STRBP: variants seen among roughly 807,000 people sequenced by gnomAD.
The protein encoded by STRBP is spermatid perinuclear RNA binding protein.
A neutral mutation model predicts 80.1 loss-of-function variants in STRBP; 13 were observed. That is an observed-to-expected ratio of 0.16 (90% CI 0.11 to 0.26). The LOEUF (loss-of-function observed/expected upper bound fraction) is 0.26, where lower values mean the gene tolerates loss of function less well. Among genes scored for constraint, STRBP ranks in the 10% least tolerant of loss-of-function variants. STRBP has a pLI of 1.00. For missense variants in STRBP, 485 were observed against 815.2 expected (o/e 0.59, Z 4.93); for synonymous variants, 284 against 291.2 (o/e 0.98, Z 0.25).
chr9:123,134,300 G>A (rs151062803), intron 16 of STRBP, among the ~76,000 whole-genome samples: 1 of 152,310 alleles, frequency 6.6e-6, no homozygotes, highest in African/African-American at 2.4e-5. Flanking sequence ...TGTCTAAGAA[G>A]CTGAAAGAGT....
chr9:123,132,048 G>A (rs1409476644), intron 17 of STRBP, among the ~76,000 whole-genome samples: 1 of 152,128 alleles, frequency 6.6e-6, no homozygotes, highest in Non-Finnish European at 1.5e-5. Context: ...CAAGACAGCT[G>A]GATAATCTAC....
rs1332643492 is a variant in STRBP at position 123,115,997 on chromosome 9, T to C, written c.*16A>G. The C allele has an allele frequency of 2.2e-6, 1 of 456,310 alleles. No individual in the cohort carries two copies. The highest frequency in any genetic ancestry group is 6.9e-5 in the East Asian group (1 of 14,402). The allele number at this position is 456,310 out of a possible 1,614,324, so 28.3% of individuals were successfully genotyped here. A position where few individuals can be genotyped will look rare whatever the true frequency, so the allele number is the denominator to read the frequency against. On this transcript the variant is annotated 3_prime_UTR_variant and NMD_transcript_variant, in exon 3 of 4. Transcript: ENST00000471564. The surrounding 1 kb of genome is among the most constrained non-coding windows in gnomAD (Gnocchi z 5.0). ...GCCTTAACCTTCTGGTCCTTCCATC[T>C]CATTTCAAGGTGCTTTCAGCTTTCC... is the stretch of plus-strand genomic sequence containing the variant.
chr9:123,240,118 A>G (rs2040661223), intron 1 of STRBP, among the ~76,000 whole-genome samples: 1 of 152,206 alleles, frequency 6.6e-6, no homozygotes, highest in South Asian at 2.1e-4. Flanking sequence ...CAACTCCTCC[A>G]AGAAATCCTT....
intron 1 of STRBP, among the ~76,000 whole-genome samples, chr9:123,241,978 C>G (rs986535348): frequency 1.3e-5 from 2 of 152,186 alleles, no homozygotes; most frequent in Non-Finnish European, 2.9e-5. Context: ...CTCCAGACAC[C>G]CTGTCCTCCT....
At chr9:123,173,649 C>G in intron 5 of STRBP, 28 bp downstream of exon 5, 1 of 1,569,900 alleles carries the variant, frequency 6.4e-7, no homozygotes, top group Non-Finnish European at 8.6e-7. Context: ...TACAAATTCG[C>G]CTAGAGGTGC....
chr9:123,215,273 T>A (rs935779130), intron 2 of STRBP, among the ~76,000 whole-genome samples: 1 of 149,950 alleles, frequency 6.7e-6, no homozygotes, highest in Non-Finnish European at 1.5e-5. Context: ...CCCAGGCTGG[T>A]TTCCAACTCC....
intron 6 of STRBP, among the ~76,000 whole-genome samples, chr9:123,161,283 C>T (rs1412685493): frequency 6.6e-6 from 1 of 152,126 alleles, no homozygotes; most frequent in Non-Finnish European, 1.5e-5. Flanking sequence ...GTTCTGTGCA[C>T]AAATACAATG....
intron 2 of STRBP, among the ~76,000 whole-genome samples, chr9:123,206,041 C>T (rs1328227351): frequency 1.3e-5 from 2 of 152,194 alleles, no homozygotes; most frequent in Non-Finnish European, 2.9e-5. Context: ...GTCAAAAGAT[C>T]TGTATTACAG....
At chr9:123,248,632 A>G (rs1414412885) in intron 1 of STRBP, among the ~76,000 whole-genome samples, 2 of 152,194 alleles carry the variant, frequency 1.3e-5, no homozygotes, top group African/African-American at 4.8e-5. Flanking sequence ...AAACCTATAA[A>G]AATAGGGTAA....
chr9:123,197,519 A>C (rs926069907), intron 2 of STRBP, among the ~76,000 whole-genome samples: 1 of 151,994 alleles, frequency 6.6e-6, no homozygotes, highest in African/African-American at 2.4e-5. Flanking sequence ...GCCTCTTCTG[A>C]GTCTCTAAAA....
rs954068147 is a variant in STRBP at position 123,226,223 on chromosome 9, G to A, written c.-165+10607C>T. Among the ~76,000 whole-genome samples the A allele has an allele frequency of 2.6e-5, 4 of 152,260 alleles. No homozygotes were observed. In the East Asian group the frequency reaches 7.7e-4, roughly 29 times the overall value. On this transcript the variant is annotated intron_variant, in intron 2 of 18. Coordinates refer to ENST00000348403, the MANE Select transcript of STRBP (RefSeq NM_018387.5). ...GATCAATGGTTTCCAGGAGCAGGAG[G>A]TGAAGAGAGGGAACTGACTACATGG...
intron 17 of STRBP, among the ~76,000 whole-genome samples, chr9:123,132,549 C>T (rs769456473): frequency 2.0e-5 from 3 of 152,016 alleles, no homozygotes; most frequent in African/African-American, 7.3e-5. Context: ...ATGAAAACAC[C>T]CTGCTCACCC....
In STRBP at chr9:123,125,466, T is replaced by C; in HGVS notation, c.*131A>G. ...ATTTGCATTTGTTAAAATCAAAAAG[T>C]AGGAAAGATGTTCTTTACAAATAAT... On this transcript the variant is annotated 3_prime_UTR_variant, in exon 19 of 19. Coordinates refer to ENST00000348403, the MANE Select transcript of STRBP (RefSeq NM_018387.5). 7.8e-7 allele frequency: 1 copy of C among 1,285,542 alleles called. No homozygotes were observed. Among genetic ancestry groups the C allele is most frequent in the Non-Finnish European group, 9.9e-7 (1 of 1,009,712 alleles). The allele number at this position is 1,285,542 out of a possible 1,614,324, so 79.6% of individuals were successfully genotyped here.
chr9:123,145,392 A>G (rs772198988), intron 13 of STRBP, among the ~76,000 whole-genome samples: 14 of 152,212 alleles, frequency 9.2e-5, no homozygotes, highest in Non-Finnish European at 1.6e-4. Flanking sequence ...CACATTGCAA[A>G]ATGTGCCACT....
intron 17 of STRBP, among the ~76,000 whole-genome samples, chr9:123,129,818 T>C (rs542789904): frequency 6.8e-4 from 103 of 152,174 alleles, no homozygotes; most frequent in Non-Finnish European, 9.4e-4. Context: ...CTGAAACAGT[T>C]CTGAGGGATG....
At chr9:123,159,289 T>C (rs2037422454) in intron 8 of STRBP, 82 bp from the exon 9 acceptor site, 1 of 918,828 alleles carries the variant, frequency 1.1e-6, no homozygotes, top group South Asian at 1.9e-5. Flanking sequence ...CATTTCTATC[T>C]ACAAGGGAGG....
chr9:123,177,834 C>T (rs930866415), intron 4 of STRBP, among the ~76,000 whole-genome samples: 34 of 152,264 alleles, frequency 2.2e-4, no homozygotes, highest in African/African-American at 7.9e-4. Context: ...ATGACATAAA[C>T]ATGTAGCAAA....
intron 2 of STRBP, among the ~76,000 whole-genome samples, chr9:123,225,443 T>C (rs1175992471): frequency 1.3e-5 from 2 of 152,212 alleles, no homozygotes; most frequent in African/African-American, 4.8e-5. Flanking sequence ...GGTTGTGGTA[T>C]ACACGTGTTA....
At chr9:123,211,858 G>T (rs966249589) in intron 2 of STRBP, among the ~76,000 whole-genome samples, 1 of 152,004 alleles carries the variant, frequency 6.6e-6, no homozygotes, top group Non-Finnish European at 1.5e-5. Flanking sequence ...TAATAAAACT[G>T]CAACTGAGTA....
Sources: gnomAD v4.1 joint callset for allele counts (sites outside exome capture counted in the v4.1 genomes callset) on GRCh38, gnomAD v4.1.1 for gene constraint, Gnocchi (gnomAD v3.1) non-coding constraint, MANE v1.5 for transcripts, NCBI Gene and HGNC (gene_info 2026-07-23, HGNC 2026-07-21) for gene names.